The following HS3ST4 variants were observed in gnomAD, a reference collection of about 807,000 sequenced individuals.
The protein encoded by HS3ST4 is heparan sulfate glucosamine 3-O-sulfotransferase 4.
A neutral mutation model predicts 29.2 loss-of-function variants in HS3ST4; 17 were observed. That is an observed-to-expected ratio of 0.58 (90% CI 0.40 to 0.87). The LOEUF (loss-of-function observed/expected upper bound fraction) is 0.87. HS3ST4 is among the 40% of genes least tolerant of loss of function. The pLI, the probability that HS3ST4 is intolerant of heterozygous loss-of-function variation, is 0.00. For synonymous variants in HS3ST4, 314 were observed against 285.7 expected (o/e 1.10, Z -1.00); for missense variants, 627 against 634.5 (o/e 0.99, Z 0.13).
intron 1 of HS3ST4, among the ~76,000 whole-genome samples, chr16:26,049,494 G>T (rs1399555766): frequency 6.6e-6 from 1 of 151,616 alleles, no homozygotes; most frequent in Admixed American, 6.6e-5. Flanking sequence ...GTGTGTGTGT[G>T]TATGTGTGTG....
chr16:25,849,291 T>C (rs1967494782), intron 1 of HS3ST4, among the ~76,000 whole-genome samples: 1 of 152,224 alleles, frequency 6.6e-6, no homozygotes, highest in African/African-American at 2.4e-5. Flanking sequence ...CGTATTTATG[T>C]ATATACATGT....
Position 25,828,311 on chromosome 16 carries a change from T to C in HS3ST4, c.734+135160T>C, listed in dbSNP as rs1249172532. ...TTCTTTCTTTCTTTCCCTCTCTCTC[T>C]CTCTCTCTCTCTCTCTCTCTCTCTC... On this transcript the variant is annotated intron_variant, in intron 1 of 1. Transcript: ENST00000331351. Among the ~76,000 whole-genome samples, 1,105 of 117,084 alleles carry C rather than the reference T, an allele frequency of 9.4e-3. 38 individuals are homozygous for C. The highest frequency in any genetic ancestry group is 0.018 in the African/African-American group (524 of 28,428). 76.8% of individuals were successfully genotyped at this position (117,084 alleles called of 152,430 possible).
At chr16:25,914,948 G>A (rs926920617) in intron 1 of HS3ST4, among the ~76,000 whole-genome samples, 7 of 152,022 alleles carry the variant, frequency 4.6e-5, no homozygotes, top group East Asian at 1.9e-4. Context: ...TCTCTAAAAC[G>A]GGTTTCTGAA....
rs190566399 is a variant in HS3ST4, at chr16:25,789,908, C to T, written c.734+96757C>T. 2.0e-3 allele frequency among the ~76,000 whole-genome samples: 311 copies of T among 152,298 alleles called. 4 individuals are homozygous for T. Among genetic ancestry groups the T allele is most frequent in the African/African-American group, 7.1e-3 (293 of 41,554 alleles). On this transcript the variant is annotated intron_variant, in intron 1 of 1. Transcript: ENST00000331351. ...CATCCAGTTGTAGTGTGTTCTTTTT[C>T]ATCACCATGTAGTATTCCACTGTAT...
chr16:25,888,842 G>T (rs1967980237), intron 1 of HS3ST4, among the ~76,000 whole-genome samples: 1 of 152,190 alleles, frequency 6.6e-6, no homozygotes, highest in Non-Finnish European at 1.5e-5. Context: ...GATGCTTGGA[G>T]GCCTGGAAGC....
At chr16:25,763,378 T>G (rs1310813079) in intron 1 of HS3ST4, among the ~76,000 whole-genome samples, 2 of 152,122 alleles carry the variant, frequency 1.3e-5, no homozygotes, top group East Asian at 1.9e-4. Flanking sequence ...CTAGCAGACT[T>G]CTACCAGATT....
At chr16:26,078,309 T>G (rs1170256023) in intron 1 of HS3ST4, among the ~76,000 whole-genome samples, 2 of 152,010 alleles carry the variant, frequency 1.3e-5, no homozygotes, top group Non-Finnish European at 2.9e-5. Flanking sequence ...TCCAGATAGT[T>G]TTTTTGTGTG....
intron 1 of HS3ST4, among the ~76,000 whole-genome samples, chr16:26,082,116 G>A (rs879827706): frequency 2.6e-5 from 4 of 152,156 alleles, no homozygotes; most frequent in Non-Finnish European, 4.4e-5. Context: ...CTTTGAAATG[G>A]GAGGAGAGGT....
At chr16:26,103,488 A>G (rs1899013730) in intron 1 of HS3ST4, among the ~76,000 whole-genome samples, 1 of 152,136 alleles carries the variant, frequency 6.6e-6, no homozygotes. Context: ...TAAACTCCCC[A>G]CTGGCCTCAC....
intron 1 of HS3ST4, among the ~76,000 whole-genome samples, chr16:26,031,564 T>C (rs570355082): frequency 6.6e-6 from 1 of 152,092 alleles, no homozygotes; most frequent in East Asian, 1.9e-4. Context: ...AGGCGAGTGT[T>C]AGATCCTAAT....
chr16:25,880,494 G>A (rs904052608), intron 1 of HS3ST4, among the ~76,000 whole-genome samples: 1 of 152,166 alleles, frequency 6.6e-6, no homozygotes, highest in African/African-American at 2.4e-5. Flanking sequence ...AGTCCCAAAT[G>A]GGAGTAAATA....
At chr16:25,840,528 A>G (rs1464350147) in intron 1 of HS3ST4, among the ~76,000 whole-genome samples, 2 of 152,196 alleles carry the variant, frequency 1.3e-5, no homozygotes, top group African/African-American at 4.8e-5. Context: ...TAGTGTTTCT[A>G]TGCAAATAGT....
chr16:25,780,693 C>T (rs763174462), intron 1 of HS3ST4, among the ~76,000 whole-genome samples: 6 of 152,082 alleles, frequency 3.9e-5, no homozygotes, highest in Non-Finnish European at 5.9e-5. Flanking sequence ...TAAATTGGGG[C>T]GTTGCATGTA....
chr16:25,736,701 A>G (rs1390908808), intron 1 of HS3ST4, among the ~76,000 whole-genome samples: 6 of 152,162 alleles, frequency 3.9e-5, no homozygotes, highest in Admixed American at 3.9e-4. Context: ...TCAAAGTCTG[A>G]TCCTTCTAAA....
intron 1 of HS3ST4, among the ~76,000 whole-genome samples, chr16:25,802,200 T>C (rs1005695395): frequency 1.3e-5 from 2 of 152,166 alleles, no homozygotes; most frequent in Non-Finnish European, 2.9e-5. Context: ...GCTAGGAATG[T>C]TTATTTAGAT....
At chr16:25,802,360 A>T (rs1158579271) in intron 1 of HS3ST4, among the ~76,000 whole-genome samples, 1 of 152,144 alleles carries the variant, frequency 6.6e-6, no homozygotes, top group African/African-American at 2.4e-5. Flanking sequence ...TATCTGAAAT[A>T]TCCATTTCTG....
chr16:26,036,865 A>G (rs1433056658), intron 1 of HS3ST4, among the ~76,000 whole-genome samples: 1 of 152,192 alleles, frequency 6.6e-6, no homozygotes, highest in African/African-American at 2.4e-5. Context: ...CATAGGATGT[A>G]AGGAAAAACT....
At chr16:25,867,464 G>A (rs533872476) in intron 1 of HS3ST4, among the ~76,000 whole-genome samples, 133 of 152,260 alleles carry the variant, frequency 8.7e-4, no homozygotes, top group African/African-American at 3.0e-3. Flanking sequence ...TGCGGCTTTA[G>A]AATCCCGTGC....
intron 1 of HS3ST4, among the ~76,000 whole-genome samples, chr16:25,763,474 C>A (rs1370374428): frequency 6.6e-6 from 1 of 152,108 alleles, no homozygotes; most frequent in African/African-American, 2.4e-5. Context: ...CTAGGCAAAC[C>A]CTTGAGTGTC....
Sources: gnomAD v4.1 joint callset for allele counts (sites outside exome capture counted in the v4.1 genomes callset) on GRCh38, gnomAD v4.1.1 for gene constraint, MANE v1.5 for transcripts, NCBI Gene and HGNC (gene_info 2026-07-23, HGNC 2026-07-21) for gene names.